The following HDAC9 variants were observed in gnomAD, a reference collection of about 807,000 sequenced individuals.
HDAC9 encodes the protein histone deacetylase 9.
In HDAC9, 41 loss-of-function variants were observed where a neutral mutation model predicts 139.4. The ratio of observed to expected loss-of-function variants is 0.29; its 90% confidence interval spans 0.23 to 0.38. HDAC9 has a LOEUF of 0.38. Ranked by LOEUF, HDAC9 falls within the 10% of genes least tolerant of loss-of-function variation. The probability of loss-of-function intolerance (pLI) is 1.00; values close to 1 mark genes in which losing one functional copy is unlikely to be tolerated. For missense variants in HDAC9, 1,147 were observed against 1,297.0 expected (o/e 0.88, Z 1.78); for synonymous variants, 517 against 476.2 (o/e 1.09, Z -1.12).
At position 18,120,628 on chromosome 7, in the gene HDAC9, G is replaced by A. The variant is rs921147315; in HGVS notation, c.-97+33415G>A. On this transcript the variant is annotated intron_variant, in intron 1 of 12. Coordinates refer to the HDAC9 transcript ENST00000417496. ...GGTAGGCAGCGGGGAGAAAAGACAG[G>A]GGGTTTGGAGATTTTCAAAAAGTTG... 4.1e-4 allele frequency among the ~76,000 whole-genome samples: 63 copies of A among 151,964 alleles called. 2 individuals are homozygous for A. Among genetic ancestry groups the A allele is most frequent in the Non-Finnish European group, 1.9e-4 (13 of 67,992 alleles).
chr7:18,286,220 C>T (rs1797440970), upstream of HDAC9, among the ~76,000 whole-genome samples: 1 of 151,848 alleles, frequency 6.6e-6, no homozygotes, highest in Non-Finnish European at 1.5e-5. Context: ...AAAATAAGCA[C>T]CGTGCATGAC....
At chr7:18,878,461 G>A (rs1189389580) in intron 22 of HDAC9, among the ~76,000 whole-genome samples, 1 of 152,018 alleles carries the variant, frequency 6.6e-6, no homozygotes, top group Non-Finnish European at 1.5e-5. Context: ...TATAGTCCTT[G>A]AGACAGAAAC....
At chr7:18,544,518 A>C (rs1481203142) in intron 2 of HDAC9, among the ~76,000 whole-genome samples, 1 of 152,204 alleles carries the variant, frequency 6.6e-6, no homozygotes, top group Non-Finnish European at 1.5e-5. Context: ...ATCCTCATAT[A>C]GATAGTACTT....
At chr7:18,578,186 C>G (rs747337376) in intron 2 of HDAC9, 2 of 519,010 alleles carry the variant, frequency 3.9e-6, no homozygotes, top group Non-Finnish European at 7.7e-6. Context: ...CCTCCACAAA[C>G]TGAGGGAAAA....
At chr7:18,709,673 A>G (rs1290724001) in intron 12 of HDAC9, among the ~76,000 whole-genome samples, 1 of 152,178 alleles carries the variant, frequency 6.6e-6, no homozygotes, top group African/African-American at 2.4e-5. Flanking sequence ...AATAAACCAG[A>G]CACATTCTTC....
chr7:18,438,269 A>G (rs1791405493), intron 1 of HDAC9, among the ~76,000 whole-genome samples: 1 of 152,120 alleles, frequency 6.6e-6, no homozygotes, highest in African/African-American at 2.4e-5. Flanking sequence ...AAAAGTTAAT[A>G]TGAGATACCT....
intron 6 of HDAC9, among the ~76,000 whole-genome samples, chr7:18,603,901 T>G (rs1461769276): frequency 6.6e-6 from 1 of 152,152 alleles, no homozygotes. Context: ...GGATAATTTG[T>G]GTTCTTTTTA....
At chr7:18,104,579 C>T (rs1022409591) in intron 1 of HDAC9, among the ~76,000 whole-genome samples, 5 of 152,106 alleles carry the variant, frequency 3.3e-5, no homozygotes, top group African/African-American at 9.7e-5. Context: ...ATTTTCAGTT[C>T]CCAGTGTGAA....
intron 16 of HDAC9, among the ~76,000 whole-genome samples, chr7:18,782,920 C>A (rs1017669664): frequency 6.6e-6 from 1 of 151,998 alleles, no homozygotes; most frequent in African/African-American, 2.4e-5. Flanking sequence ...AGGTCTCTAA[C>A]GCTAAGGCAA....
chr7:18,814,998 G>A (rs1017791870), intron 17 of HDAC9, among the ~76,000 whole-genome samples: 2 of 150,880 alleles, frequency 1.3e-5, no homozygotes, highest in African/African-American at 5.0e-5. Context: ...TTGATTGAAG[G>A]CACATCTATT....
At chr7:18,418,542 A>T (rs1365189694) in intron 1 of HDAC9, among the ~76,000 whole-genome samples, 2 of 152,088 alleles carry the variant, frequency 1.3e-5, no homozygotes, top group Non-Finnish European at 2.9e-5. Context: ...CCAAAGTCAC[A>T]TGAAAGTATG....
At chr7:18,226,446 A>G (rs770912655) in intron 2 of HDAC9, among the ~76,000 whole-genome samples, 5 of 152,180 alleles carry the variant, frequency 3.3e-5, no homozygotes, top group Admixed American at 6.5e-5. Context: ...GAGGCAGACT[A>G]TACATTGCCC....
chr7:18,757,717 T>A (rs1584983868), intron 14 of HDAC9, among the ~76,000 whole-genome samples: 1 of 152,094 alleles, frequency 6.6e-6, no homozygotes, highest in African/African-American at 2.4e-5. Context: ...GAAAAAAATA[T>A]GAATCTATAT....
chr7:18,983,170 T>C (rs1014505494), intron 25 of HDAC9, among the ~76,000 whole-genome samples: 1 of 152,200 alleles, frequency 6.6e-6, no homozygotes, highest in African/African-American at 2.4e-5. Flanking sequence ...TTGACTACTT[T>C]AGATACTTCA....
At chr7:18,366,104 T>C (rs976774323) in intron 1 of HDAC9, among the ~76,000 whole-genome samples, 1 of 152,056 alleles carries the variant, frequency 6.6e-6, no homozygotes, top group African/African-American at 2.4e-5. Flanking sequence ...AATTCCCCAC[T>C]GCTATAATTT....
intron 2 of HDAC9, among the ~76,000 whole-genome samples, chr7:18,261,973 T>G (rs1443640598): frequency 6.6e-6 from 1 of 152,252 alleles, no homozygotes; most frequent in Non-Finnish European, 1.5e-5. Flanking sequence ...GCTAATATTT[T>G]GTTTACATTT....
chr7:18,527,011 G>A (rs145067038), intron 2 of HDAC9, among the ~76,000 whole-genome samples: 2 of 152,100 alleles, frequency 1.3e-5, no homozygotes, highest in Non-Finnish European at 2.9e-5. Flanking sequence ...AAATGATTTA[G>A]TATAGAAAAA....
chr7:18,708,413 C>T (rs1402179978), intron 12 of HDAC9, among the ~76,000 whole-genome samples: 1 of 152,190 alleles, frequency 6.6e-6, no homozygotes, highest in Non-Finnish European at 1.5e-5. Flanking sequence ...CTTTCTCTAA[C>T]TGTCACATGT....
chr7:18,750,385 T>C (rs1788338410), intron 14 of HDAC9, among the ~76,000 whole-genome samples: 1 of 147,382 alleles, frequency 6.8e-6, no homozygotes, highest in Non-Finnish European at 1.5e-5. Flanking sequence ...GTTGAGATTG[T>C]GAATGAATAT....
Sources: gnomAD v4.1 joint callset for allele counts (sites outside exome capture counted in the v4.1 genomes callset) on GRCh38, gnomAD v4.1.1 for gene constraint, MANE v1.5 for transcripts, NCBI Gene and HGNC (gene_info 2026-07-23, HGNC 2026-07-21) for gene names.